The following CNTN5 variants were observed in gnomAD, a reference collection of about 807,000 sequenced individuals.
The protein encoded by CNTN5 is contactin 5.
CNTN5 carries 77 observed loss-of-function variants against 129.1 expected under a neutral mutation model. The ratio of observed to expected loss-of-function variants is 0.60; its 90% CI spans 0.50 to 0.72. The LOEUF (loss-of-function observed/expected upper bound fraction) is 0.72. Among genes scored for constraint, CNTN5 ranks in the 30% least tolerant of loss-of-function variants. The pLI is 0.00. For missense variants in CNTN5, 1,478 were observed against 1,328.8 expected (o/e 1.11, Z -1.75); for synonymous variants, 509 against 465.6 (o/e 1.09, Z -1.20).
intron 3 of CNTN5, among the ~76,000 whole-genome samples, chr11:99,707,554 C>T (rs1317317839): frequency 6.6e-6 from 1 of 151,530 alleles, no homozygotes. Context: ...AGGTCTTAGC[C>T]CAGGCTCTGT....
chr11:99,385,172 CTT>C (rs1214883277), intron 2 of CNTN5, among the ~76,000 whole-genome samples: 1 of 135,012 alleles, frequency 7.4e-6, no homozygotes, highest in African/African-American at 2.7e-5. Flanking sequence ...CATTCACTCT[CTT>C]AGCATTTTTT....
chr11:99,097,723 C>A (rs996652664), intron 1 of CNTN5, among the ~76,000 whole-genome samples: 1 of 151,714 alleles, frequency 6.6e-6, no homozygotes, highest in African/African-American at 2.4e-5. Context: ...TTTTCAAGAA[C>A]CATATTTGCT....
At chr11:100,263,155 C>T (rs541304202) in intron 17 of CNTN5, among the ~76,000 whole-genome samples, 110 of 152,160 alleles carry the variant, frequency 7.2e-4, no homozygotes, top group African/African-American at 1.9e-3. Context: ...ATTTAACATA[C>T]TGGTATTTGA....
intron 9 of CNTN5, among the ~76,000 whole-genome samples, chr11:100,005,507 A>C (rs1458400740): frequency 6.6e-6 from 1 of 152,170 alleles, no homozygotes; most frequent in Middle Eastern, 3.2e-3. Flanking sequence ...AGTGCACAAT[A>C]CAATATTGCT....
chr11:100,295,678 C>CT (rs528327234), intron 18 of CNTN5, among the ~76,000 whole-genome samples: 39 of 149,736 alleles, frequency 2.6e-4, no homozygotes, highest in Non-Finnish European at 4.8e-4. Flanking sequence ...TCTGAGCATC[C>CT]TTTTTTTTTA....
chr11:99,037,167 A>T (rs1863777445), intron 1 of CNTN5, among the ~76,000 whole-genome samples: 1 of 152,212 alleles, frequency 6.6e-6, no homozygotes, highest in Non-Finnish European at 1.5e-5. Flanking sequence ...TATTCAAAGT[A>T]GCCTTCTGAA....
At chr11:99,428,603 T>C (rs1186376235) in intron 2 of CNTN5, among the ~76,000 whole-genome samples, 1 of 150,258 alleles carries the variant, frequency 6.7e-6, no homozygotes, top group African/African-American at 2.4e-5. Context: ...TTCTTTAATA[T>C]ATGTATATAT....
At chr11:99,947,319 G>A (rs546709873) in intron 7 of CNTN5, among the ~76,000 whole-genome samples, 4 of 149,450 alleles carry the variant, frequency 2.7e-5, no homozygotes, top group African/African-American at 9.8e-5. Flanking sequence ...CATATCAACA[G>A]AGATAAATAT....
chr11:100,268,120 G>A (rs551872557), intron 17 of CNTN5, among the ~76,000 whole-genome samples: 77 of 152,232 alleles, frequency 5.1e-4, no homozygotes, highest in Non-Finnish European at 9.7e-4. Context: ...ACATGGAGAA[G>A]CCTGAGAAAC....
intron 3 of CNTN5, among the ~76,000 whole-genome samples, chr11:99,622,722 A>G (rs1487761351): frequency 6.6e-6 from 1 of 152,204 alleles, no homozygotes; most frequent in African/African-American, 2.4e-5. Context: ...GTGTTATAGC[A>G]TTGATTATTC....
At chr11:99,288,664 G>A (rs1286372671) in intron 1 of CNTN5, among the ~76,000 whole-genome samples, 3 of 151,772 alleles carry the variant, frequency 2.0e-5, no homozygotes, top group Admixed American at 1.3e-4. Context: ...CTCTACAAAG[G>A]AATAGAAGAA....
chr11:99,904,457 C>A (rs1036494652), intron 6 of CNTN5, among the ~76,000 whole-genome samples: 3 of 152,074 alleles, frequency 2.0e-5, no homozygotes, highest in East Asian at 3.9e-4. Flanking sequence ...CATGTCCCTG[C>A]AAAGGACATG....
At chr11:99,264,257 C>T (rs115899940) in intron 1 of CNTN5, among the ~76,000 whole-genome samples, 1,830 of 151,200 alleles carry the variant, frequency 0.012, 40 homozygotes, top group African/African-American at 0.042. Context: ...CTTGATTGTA[C>T]CTTTCTTAGA....
At chr11:100,275,645 T>A (rs563747138) in intron 18 of CNTN5, among the ~76,000 whole-genome samples, 1 of 152,364 alleles carries the variant, frequency 6.6e-6, no homozygotes, top group South Asian at 2.1e-4. Flanking sequence ...TTAAAAGAAT[T>A]TCTATTTCTG....
chr11:100,013,515 T>A (rs932087350), intron 9 of CNTN5, among the ~76,000 whole-genome samples: 2 of 152,178 alleles, frequency 1.3e-5, no homozygotes, highest in African/African-American at 4.8e-5. Context: ...AAAACTAAAC[T>A]TCTACCTTGT....
At chr11:100,110,731 A>T (rs1360519092) in intron 13 of CNTN5, among the ~76,000 whole-genome samples, 1 of 152,220 alleles carries the variant, frequency 6.6e-6, no homozygotes, top group Non-Finnish European at 1.5e-5. Flanking sequence ...GACAAATCTG[A>T]TTCCACCAAT....
At chr11:99,062,552 A>T (rs997538092) in intron 1 of CNTN5, among the ~76,000 whole-genome samples, 7 of 152,158 alleles carry the variant, frequency 4.6e-5, no homozygotes, top group Non-Finnish European at 2.9e-5. Flanking sequence ...ATTGTGAGAA[A>T]CATTTATAAC....
chr11:99,067,398 A>C (rs1450662948), intron 1 of CNTN5, among the ~76,000 whole-genome samples: 1 of 150,162 alleles, frequency 6.7e-6, no homozygotes, highest in Non-Finnish European at 1.5e-5. Flanking sequence ...AGACATGTGC[A>C]AGGGAAGCAG....
At chr11:99,469,500 C>T (rs1490946410) in intron 2 of CNTN5, among the ~76,000 whole-genome samples, 1 of 151,994 alleles carries the variant, frequency 6.6e-6, no homozygotes, top group Non-Finnish European at 1.5e-5. Flanking sequence ...TAAATTCCCA[C>T]TTAACTTACT....
Sources: allele counts gnomAD v4.1 joint callset (sites outside exome capture counted in the v4.1 genomes callset), GRCh38; gene constraint gnomAD v4.1.1; transcripts MANE v1.5; gene names NCBI Gene and HGNC (gene_info 2026-07-23, HGNC 2026-07-21).